METTL15: variants seen among roughly 807,000 people sequenced by gnomAD.
METTL15 encodes the protein methyltransferase 15, mitochondrial 12S rRNA N4-cytidine, also known as 12S rRNA N(4)-cytidine methyltransferase METTL15.
In METTL15, 34 loss-of-function variants were observed where a neutral mutation model predicts 38.3. The observed-to-expected ratio is 0.89, with a 90% confidence interval of 0.68 to 1.18. METTL15 has a LOEUF of 1.18. METTL15 is among the 50% of genes most tolerant of loss of function. The pLI is 0.00. For synonymous variants in METTL15, 162 were observed against 170.9 expected (o/e 0.95, Z 0.41); for missense variants, 438 against 498.4 (o/e 0.88, Z 1.15).
intron 6 of METTL15, among the ~76,000 whole-genome samples, chr11:28,468,707 G>A (rs1170045660): frequency 2.0e-5 from 3 of 152,166 alleles, no homozygotes; most frequent in African/African-American, 7.2e-5. Context: ...GAGTCCCAAA[G>A]TCAGCAAAGG....
intron 6 of METTL15, among the ~76,000 whole-genome samples, chr11:28,481,696 T>C (rs1851396493): frequency 6.6e-6 from 1 of 150,930 alleles, no homozygotes; most frequent in Non-Finnish European, 1.5e-5. Flanking sequence ...GTGGAGGGAG[T>C]TTCTTCAAAG....
At chr11:28,208,982 T>G (rs1852500866) in intron 3 of METTL15, among the ~76,000 whole-genome samples, 1 of 151,964 alleles carries the variant, frequency 6.6e-6, no homozygotes, top group South Asian at 2.1e-4. Context: ...TAAATTCCAT[T>G]TGTCTGCCAC....
chr11:28,459,172 C>T (rs937385222), intron 6 of METTL15, among the ~76,000 whole-genome samples: 8 of 152,160 alleles, frequency 5.3e-5, no homozygotes, highest in African/African-American at 1.7e-4. Flanking sequence ...ATTCAGCAAG[C>T]AAATTAATTG....
At chr11:28,462,779 A>AG (rs1036080261) in intron 6 of METTL15, among the ~76,000 whole-genome samples, 15 of 152,212 alleles carry the variant, frequency 9.9e-5, no homozygotes, top group African/African-American at 3.6e-4. Flanking sequence ...TAACAATGGG[A>AG]GAAAGGGTTC....
chr11:28,143,522 T>C (rs1849770964), intron 3 of METTL15, among the ~76,000 whole-genome samples: 1 of 152,154 alleles, frequency 6.6e-6, no homozygotes, highest in Admixed American at 6.6e-5. Context: ...TTTATTCTAA[T>C]TCATCCTTCT....
intron 3 of METTL15, among the ~76,000 whole-genome samples, chr11:28,138,677 C>A (rs998134732): frequency 6.6e-6 from 1 of 152,204 alleles, no homozygotes; most frequent in Non-Finnish European, 1.5e-5. Flanking sequence ...GGAAAGTACT[C>A]ATTCCCTATG....
At chr11:28,163,646 T>TC in intron 3 of METTL15, 1 of 392,392 alleles carries the variant, frequency 2.5e-6, no homozygotes, top group Non-Finnish European at 4.5e-6. Flanking sequence ...TATTTAATTT[T>TC]CCCCCAGAAT....
chr11:28,523,127 A>G (rs562594067), intron 6 of METTL15, among the ~76,000 whole-genome samples: 2 of 152,324 alleles, frequency 1.3e-5, no homozygotes, highest in East Asian at 3.9e-4. Flanking sequence ...AGTGGCATTA[A>G]AAAAGGGTAC....
intron 4 of METTL15, among the ~76,000 whole-genome samples, chr11:28,225,780 T>G (rs190202133): frequency 6.6e-6 from 1 of 151,902 alleles, no homozygotes; most frequent in Non-Finnish European, 1.5e-5. Flanking sequence ...TTTAGTAACC[T>G]CTCTACCCTT....
chr11:28,204,616 GTTT>G (rs1852246157), intron 3 of METTL15, among the ~76,000 whole-genome samples: 1 of 151,534 alleles, frequency 6.6e-6, no homozygotes, highest in African/African-American at 2.4e-5. Flanking sequence ...AAGAACCCAG[GTTT>G]TAAGCCCAGA....
chr11:28,299,630 G>C (rs539760260), intron 6 of METTL15, among the ~76,000 whole-genome samples: 2 of 152,060 alleles, frequency 1.3e-5, no homozygotes, highest in Non-Finnish European at 2.9e-5. Context: ...GGTTAAATCT[G>C]TCCAGTCCAA....
At chr11:28,424,601 A>G (rs1243226907) in intron 6 of METTL15, among the ~76,000 whole-genome samples, 1 of 152,172 alleles carries the variant, frequency 6.6e-6, no homozygotes, top group Non-Finnish European at 1.5e-5. Context: ...TTTATATTCT[A>G]TGAGTAACTG....
At chr11:28,184,898 AG>A (rs1851437315) in intron 3 of METTL15, among the ~76,000 whole-genome samples, 1 of 151,552 alleles carries the variant, frequency 6.6e-6, no homozygotes, top group Admixed American at 6.6e-5. Context: ...CATGTATCCA[AG>A]GAAAATACCA....
chr11:28,425,905 T>C (rs936116417), intron 6 of METTL15, among the ~76,000 whole-genome samples: 1 of 152,180 alleles, frequency 6.6e-6, no homozygotes, highest in Non-Finnish European at 1.5e-5. Flanking sequence ...GTATTCCAGC[T>C]TCACTATTTG....
At chr11:28,443,986 T>G (rs1358466475) in intron 6 of METTL15, among the ~76,000 whole-genome samples, 1 of 152,226 alleles carries the variant, frequency 6.6e-6, no homozygotes, top group Non-Finnish European at 1.5e-5. Flanking sequence ...TTTTGCTTTT[T>G]TCACTCAATT....
At chr11:28,381,172 T>G (rs1850379342) in intron 5 of METTL15, among the ~76,000 whole-genome samples, 1 of 152,116 alleles carries the variant, frequency 6.6e-6, no homozygotes, top group African/African-American at 2.4e-5. Flanking sequence ...TTTTTATTTT[T>G]TATTTTTGTA....
At chr11:28,236,529 G>T (rs1181756409) in intron 4 of METTL15, among the ~76,000 whole-genome samples, 1 of 152,138 alleles carries the variant, frequency 6.6e-6, no homozygotes, top group Non-Finnish European at 1.5e-5. Flanking sequence ...TCCTGGTTTA[G>T]TCTTGGGAGA....
chr11:28,259,340 G>A (rs535905172), intron 4 of METTL15, among the ~76,000 whole-genome samples: 9 of 152,158 alleles, frequency 5.9e-5, no homozygotes, highest in African/African-American at 1.4e-4. Flanking sequence ...GTAGCCTAGC[G>A]TTAGGGGAGG....
chr11:28,478,646 G>T (rs906140982), intron 6 of METTL15, among the ~76,000 whole-genome samples: 1 of 152,106 alleles, frequency 6.6e-6, no homozygotes, highest in Admixed American at 6.5e-5. Context: ...TCTTTGGCTT[G>T]CTTTGCTCCT....
Sources: gnomAD v4.1 joint callset for allele counts (sites outside exome capture counted in the v4.1 genomes callset) on GRCh38, gnomAD v4.1.1 for gene constraint, MANE v1.5 for transcripts, NCBI Gene and HGNC (gene_info 2026-07-23, HGNC 2026-07-21) for gene names.